The following CTNNA3 variants were observed in gnomAD, a reference collection of about 807,000 sequenced individuals.
The protein encoded by CTNNA3 is catenin alpha 3.
In CTNNA3, 76 loss-of-function variants were observed where a neutral mutation model predicts 95.7. The observed-to-expected ratio is 0.79, with a 90% confidence interval of 0.66 to 0.96. CTNNA3 has a LOEUF of 0.96. Among genes scored for constraint, CTNNA3 ranks in the 40% least tolerant of loss-of-function variants. CTNNA3 has a pLI of 0.00. For synonymous variants in CTNNA3, 431 were observed against 374.4 expected (o/e 1.15, Z -1.74); for missense variants, 1,191 against 1,089.8 (o/e 1.09, Z -1.31).
At chr10:66,992,314 C>A (rs1851085059) in intron 7 of CTNNA3, among the ~76,000 whole-genome samples, 1 of 152,076 alleles carries the variant, frequency 6.6e-6, no homozygotes, top group South Asian at 2.1e-4. Context: ...TGGTTTTGCA[C>A]TTCTGTAAAT....
intron 7 of CTNNA3, among the ~76,000 whole-genome samples, chr10:67,146,939 T>A (rs1032015790): frequency 1.3e-5 from 2 of 152,170 alleles, no homozygotes; most frequent in Non-Finnish European, 2.9e-5. Context: ...CTGTACAGAT[T>A]TATAGCCTAG....
At chr10:67,621,779 G>A (rs995102029) in intron 2 of CTNNA3, among the ~76,000 whole-genome samples, 19 of 151,022 alleles carry the variant, frequency 1.3e-4, no homozygotes, top group African/African-American at 3.4e-4. Context: ...AAAAGAAAAC[G>A]GTCAGTCTAG....
chr10:66,302,154 T>C (rs958956470), intron 12 of CTNNA3, among the ~76,000 whole-genome samples: 5 of 151,956 alleles, frequency 3.3e-5, no homozygotes, highest in African/African-American at 1.2e-4. Context: ...AGAACTCTGA[T>C]GAAAGAATTC....
At chr10:66,251,306 G>A (rs2090543795) in intron 13 of CTNNA3, among the ~76,000 whole-genome samples, 1 of 23,756 alleles carries the variant, frequency 4.2e-5, no homozygotes, top group Non-Finnish European at 5.0e-4. Flanking sequence ...TTATACCTTT[G>A]AAATTAAAAA....
intron 9 of CTNNA3, among the ~76,000 whole-genome samples, chr10:66,646,571 A>G (rs2061431543): frequency 6.6e-6 from 1 of 152,134 alleles, no homozygotes; most frequent in Non-Finnish European, 1.5e-5. Flanking sequence ...TAAAGGTGAA[A>G]GAGAGATGAA....
rs149236867 is a variant in CTNNA3, at chr10:66,309,559, G to A, written c.1733-28938C>T. Among the ~76,000 whole-genome samples the A allele has an allele frequency of 7.5e-3, 1,134 of 151,746 alleles. 15 individuals carry two copies. The highest frequency in any genetic ancestry group is 0.026 in the African/African-American group (1,071 of 41,394). On this transcript the variant is annotated intron_variant, in intron 12 of 17. Transcript: ENST00000433211. ...CAAAATAATAGCCGGGCATGGTGGC[G>A]GGCACCTGTAGTCCCAGCTGGGAGG...
At chr10:67,645,461 T>TA (rs1839676615) in intron 2 of CTNNA3, among the ~76,000 whole-genome samples, 1 of 152,184 alleles carries the variant, frequency 6.6e-6, no homozygotes, top group Non-Finnish European at 1.5e-5. Context: ...AGCATTAATG[T>TA]ATTTGTTTTC....
chr10:66,440,864 T>C (rs1049445842), intron 11 of CTNNA3, among the ~76,000 whole-genome samples: 2 of 152,162 alleles, frequency 1.3e-5, no homozygotes, highest in East Asian at 1.9e-4. Flanking sequence ...ACATTTGTTA[T>C]TATTTGTTCC....
intron 10 of CTNNA3, among the ~76,000 whole-genome samples, chr10:66,578,132 T>C (rs1258228906): frequency 6.6e-6 from 1 of 152,028 alleles, no homozygotes; most frequent in African/African-American, 2.4e-5. Context: ...GCTTGGACAT[T>C]ATTGGTGTAT....
intron 3 of CTNNA3, among the ~76,000 whole-genome samples, chr10:67,587,001 A>T (rs997246955): frequency 6.6e-6 from 1 of 151,872 alleles, no homozygotes; most frequent in Non-Finnish European, 1.5e-5. Flanking sequence ...CATGATGGTA[A>T]ATGTCCTTTT....
At chr10:66,202,938 T>C (rs1219221371) in intron 13 of CTNNA3, among the ~76,000 whole-genome samples, 5 of 152,360 alleles carry the variant, frequency 3.3e-5, no homozygotes, top group African/African-American at 1.2e-4. Context: ...TAGCAAGGTT[T>C]CCTCCTTTTA....
rs576927211 is a variant in CTNNA3, at chr10:67,502,388, T to C, written c.579+19454A>G. Reference sequence around the variant, plus strand: ...TGCCAGATGCCAGTCAGAGCTCTTCTGTATGAGGTGTCTGTCAACTCCTGC... The same window carrying C: ...TGCCAGATGCCAGTCAGAGCTCTTCCGTATGAGGTGTCTGTCAACTCCTGC... On this transcript the variant is annotated intron_variant, in intron 5 of 17. Coordinates refer to ENST00000433211, the MANE Select transcript of CTNNA3 (RefSeq NM_013266.4). Among the ~76,000 whole-genome samples the C allele has an allele frequency of 4.6e-5, 7 of 152,234 alleles. No individual in the cohort carries two copies. In the East Asian group the frequency reaches 1.2e-3, roughly 25 times the overall value.
chr10:66,673,833 G>T (rs1846750365), intron 9 of CTNNA3, among the ~76,000 whole-genome samples: 1 of 151,892 alleles, frequency 6.6e-6, no homozygotes, highest in South Asian at 2.1e-4. Flanking sequence ...TGAGCACACT[G>T]TCTGGCAAAT....
intron 1 of CTNNA3, among the ~76,000 whole-genome samples, chr10:67,661,273 A>G (rs1589546399): frequency 6.8e-6 from 1 of 146,484 alleles, no homozygotes; most frequent in East Asian, 2.2e-4. Flanking sequence ...AAAGGAAGGA[A>G]GAAAGAGAAA....
At chr10:66,771,623 C>T (rs1256511328) in intron 8 of CTNNA3, among the ~76,000 whole-genome samples, 2 of 152,138 alleles carry the variant, frequency 1.3e-5, no homozygotes, top group African/African-American at 4.8e-5. Context: ...TGGGCTAGAA[C>T]TGTGTCTCTA....
intron 14 of CTNNA3, among the ~76,000 whole-genome samples, chr10:66,080,264 C>A (rs2133640073): frequency 6.6e-6 from 1 of 152,092 alleles, no homozygotes; most frequent in Non-Finnish European, 1.5e-5. Context: ...TATAACTATT[C>A]CCTTCTTACT....
intron 7 of CTNNA3, among the ~76,000 whole-genome samples, chr10:66,917,874 C>A (rs1846577573): frequency 1.3e-5 from 2 of 152,126 alleles, no homozygotes; most frequent in Admixed American, 1.3e-4. Context: ...ACATTCAAAG[C>A]ACAGTCATAG....
intron 1 of CTNNA3, among the ~76,000 whole-genome samples, chr10:67,726,352 A>C (rs1377088129): frequency 2.0e-5 from 1 of 51,240 alleles, no homozygotes; most frequent in Non-Finnish European, 3.1e-5. Flanking sequence ...AATATATGAT[A>C]TATATGATAT....
chr10:67,169,210 G>A (rs560561005), intron 7 of CTNNA3, among the ~76,000 whole-genome samples: 12 of 152,116 alleles, frequency 7.9e-5, no homozygotes, highest in Non-Finnish European at 8.8e-5. Context: ...TGGCCATACT[G>A]CCCAAAGCAA....
Sources: gnomAD v4.1 joint callset for allele counts (sites outside exome capture counted in the v4.1 genomes callset) on GRCh38, gnomAD v4.1.1 for gene constraint, MANE v1.5 for transcripts, NCBI Gene and HGNC (gene_info 2026-07-23, HGNC 2026-07-21) for gene names.